Variants in GART observed in about 807,000 individuals in gnomAD.
GART encodes the protein trifunctional purine biosynthetic protein adenosine-3.
A neutral mutation model predicts 107.2 loss-of-function variants in GART; 43 were observed. The observed-to-expected ratio is 0.40, with a 90% CI of 0.31 to 0.52. The LOEUF is 0.52. GART is among the 20% of genes least tolerant of loss of function. GART has a pLI of 0.52. For synonymous variants in GART, 434 were observed against 427.0 expected (o/e 1.02, Z -0.20); for missense variants, 1,107 against 1,206.5 (o/e 0.92, Z 1.22).
intron 10 of GART, among the ~76,000 whole-genome samples, chr21:33,527,893 T>C (rs2085104467): frequency 6.6e-6 from 1 of 152,132 alleles, no homozygotes. Context: ...TCTAGGCAGG[T>C]GGAAGTGGAA....
intron 14 of GART, chr21:33,519,048 T>C: frequency 6.9e-6 from 2 of 290,914 alleles, no homozygotes; most frequent in Admixed American, 4.2e-5. Flanking sequence ...TATCATCTGC[T>C]GTAGCTGAAC....
At chr21:33,507,106 G>A (rs529697208) in intron 18 of GART, among the ~76,000 whole-genome samples, 3 of 152,268 alleles carry the variant, frequency 2.0e-5, no homozygotes, top group African/African-American at 4.8e-5. Flanking sequence ...GATACCTGCA[G>A]TTTCATGTTT....
chr21:33,539,074 C>T (rs2085357741), intron 2 of GART, 97 bp downstream of exon 2: 2 of 1,248,022 alleles, frequency 1.6e-6, no homozygotes, highest in Non-Finnish European at 2.2e-6. Flanking sequence ...GCCACTGTGC[C>T]CAGCCTATCT....
At chr21:33,519,588 G>A (rs1049882831) in intron 14 of GART, among the ~76,000 whole-genome samples, 2 of 151,656 alleles carry the variant, frequency 1.3e-5, no homozygotes, top group African/African-American at 4.8e-5. Flanking sequence ...GTGTCTTTGG[G>A]AGGCTGTGAT....
intron 17 of GART, 148 bp downstream of exon 17, chr21:33,511,104 G>T (rs1322581887): frequency 6.6e-6 from 5 of 756,352 alleles, no homozygotes; most frequent in Non-Finnish European, 1.1e-5. Context: ...GCTGGGGTGG[G>T]TGCTGTCATG....
intron 20 of GART, 147 bp from the exon 21 acceptor site, chr21:33,504,674 A>G (rs1314796733): frequency 1.6e-6 from 1 of 645,096 alleles, no homozygotes; most frequent in African/African-American, 1.8e-5. Flanking sequence ...GAAATGAGGT[A>G]AAAGTAAGTT....
At chr21:33,504,685 C>T (rs542567223) in intron 20 of GART, among the ~76,000 whole-genome samples, 158 bp from the exon 21 acceptor site, 2 of 152,180 alleles carry the variant, frequency 1.3e-5, no homozygotes, top group South Asian at 4.2e-4. Context: ...AAAGTAAGTT[C>T]TCATCCAAGA....
chr21:33,507,651 T>C (rs1236135866), intron 18 of GART, among the ~76,000 whole-genome samples: 1 of 152,078 alleles, frequency 6.6e-6, no homozygotes, highest in African/African-American at 2.4e-5. Flanking sequence ...GCCAACATGA[T>C]GAAACCCCAT....
Position 33,524,904 on chromosome 21 carries a change from G to T in GART, c.1163C>A (p.Ala388Glu), listed in dbSNP as rs1422949190. The T allele has an allele frequency of 3.7e-6, 6 of 1,614,022 alleles. No homozygotes were observed. The highest frequency in any genetic ancestry group is 5.1e-6 in the Non-Finnish European group (6 of 1,180,028). ...KVVTHGGRVL[A>E]VTAIRENLIS... The stretch of plus-strand genomic sequence containing the variant: ...GAGATTTTCCCGGATGGCTGTGACT[G>T]CAAGAACTCTACCCCCATGAGTTAC... The change falls in exon 11 of 22, where the codon GCA becomes GAA. Residue 388 changes from alanine (A) to glutamate (E), a missense_variant. Transcript: ENST00000381815.
intron 16 of GART, among the ~76,000 whole-genome samples, chr21:33,515,689 A>C (rs545892742): frequency 2.6e-5 from 4 of 151,466 alleles, no homozygotes; most frequent in Non-Finnish European, 5.9e-5. Context: ...AAAACAAAAA[A>C]CAAAAAAGAA....
intron 11 of GART, 49 bp downstream of exon 11, chr21:33,524,720 T>C (rs199876775): frequency 1.2e-6 from 2 of 1,612,446 alleles, no homozygotes; most frequent in Non-Finnish European, 1.7e-6. Flanking sequence ...CATAGCCATT[T>C]AGGCCAGTTT....
At chr21:33,531,768 G>C in intron 5 of GART, 1 of 502,354 alleles carries the variant, frequency 2.0e-6, no homozygotes, top group Non-Finnish European at 3.5e-6. Flanking sequence ...GGTACAGACG[G>C]AATAAACACA....
At chr21:33,515,237 C>T (rs1013011358) in intron 16 of GART, among the ~76,000 whole-genome samples, 1 of 152,186 alleles carries the variant, frequency 6.6e-6, no homozygotes, top group Non-Finnish European at 1.5e-5. Context: ...CTCACTAATA[C>T]TTCACAGAGA....
At chr21:33,520,879 C>A in intron 13 of GART, 27 bp downstream of exon 13, 1 of 1,480,382 alleles carries the variant, frequency 6.8e-7, no homozygotes, top group South Asian at 1.2e-5. Flanking sequence ...TCCTAAAAGG[C>A]CTTTATTCAC....
chr21:33,531,874 A>G (rs1351877358), intron 5 of GART: 1 of 304,454 alleles, frequency 3.3e-6, no homozygotes, highest in African/African-American at 2.2e-5. Flanking sequence ...CTTACTTCCG[A>G]TTATAATTAT....
At position 33,528,505 on chromosome 21, in the gene GART, A is replaced by G. The variant is rs76620275; in HGVS notation, c.897+14T>C. 2.1e-3 allele frequency: 3,347 copies of G among 1,586,910 alleles called. 67 individuals are homozygous for G. In the African/African-American group the frequency reaches 0.041, roughly 20 times the overall value. On this transcript the variant is annotated intron_variant, in intron 9 of 21. Coordinates refer to ENST00000381815, the MANE Select transcript of GART (RefSeq NM_000819.5). ...ATATCTTCTACCAAGTAATACTTTG[A>G]TATTTTTACCCACTTGGCACTCTGG...
intron 3 of GART, 150 bp from the exon 4 acceptor site, chr21:33,534,903 G>A: frequency 1.6e-6 from 1 of 627,632 alleles, no homozygotes; most frequent in South Asian, 2.5e-5. Flanking sequence ...TTGTCTACTG[G>A]ATAGAGATAA....
intron 1 of GART, among the ~76,000 whole-genome samples, chr21:33,540,270 G>A (rs1330829577): frequency 6.6e-6 from 1 of 152,194 alleles, no homozygotes; most frequent in African/African-American, 2.4e-5. Context: ...AGTACTTTAA[G>A]TAGCAGGAAA....
intron 2 of GART, among the ~76,000 whole-genome samples, chr21:33,536,322 T>C (rs577274922): frequency 1.0e-3 from 153 of 152,306 alleles, no homozygotes; most frequent in South Asian, 2.3e-3. Flanking sequence ...AAGTAACTAG[T>C]GGTAGGATCA....
Sources: gnomAD v4.1 joint callset for allele counts (sites outside exome capture counted in the v4.1 genomes callset) on GRCh38, gnomAD v4.1.1 for gene constraint, MANE v1.5 for transcripts, NCBI Gene and HGNC (gene_info 2026-07-23, HGNC 2026-07-21) for gene names.